PCBD2: variants seen among roughly 807,000 people sequenced by gnomAD.
The protein encoded by PCBD2 is pterin-4-alpha-carbinolamine dehydratase 2.
PCBD2 carries 12 observed loss-of-function variants against 16.4 expected under a neutral mutation model. That is an observed-to-expected ratio of 0.73 (90% CI 0.47 to 1.19). PCBD2 has a LOEUF of 1.19. PCBD2 is among the 50% of genes most tolerant of loss of function. PCBD2 has a pLI of 0.00. For missense variants in PCBD2, 138 were observed against 156.8 expected (o/e 0.88, Z 0.64); for synonymous variants, 58 against 61.8 (o/e 0.94, Z 0.29).
At position 134,949,711 on chromosome 5, in the gene PCBD2, C is replaced by T. The variant is rs936414940; in HGVS notation, c.217-9329C>T. On this transcript the variant is annotated intron_variant, in intron 2 of 3. Coordinates refer to ENST00000254908, the MANE Select transcript of PCBD2 (RefSeq NM_032151.5). The stretch of plus-strand genomic sequence containing the variant: ...GGCTAGAACAGTTAACAGTGTTCCA[C>T]GTGAAAGTCTTGGTGAGACATGTAA... 5.3e-5 allele frequency among the ~76,000 whole-genome samples: 8 copies of T among 152,136 alleles called. No homozygotes were observed. In the South Asian group the frequency reaches 8.3e-4, roughly 16 times the overall value.
At chr5:134,929,157 G>A (rs184635167) in intron 2 of PCBD2, among the ~76,000 whole-genome samples, 1 of 152,202 alleles carries the variant, frequency 6.6e-6, no homozygotes, top group East Asian at 1.9e-4. Context: ...TGAGTTAGAA[G>A]AGGAGGAGTT....
At chr5:134,959,489 T>G (rs561493030) in intron 3 of PCBD2, among the ~76,000 whole-genome samples, 1 of 152,304 alleles carries the variant, frequency 6.6e-6, no homozygotes, top group Non-Finnish European at 1.5e-5. Context: ...TTGAAATATT[T>G]TTACTCAAGA....
At chr5:134,958,993 G>T (rs1180869443) in intron 2 of PCBD2, 47 bp from the exon 3 acceptor site, 1 of 1,464,538 alleles carries the variant, frequency 6.8e-7, no homozygotes, top group South Asian at 1.2e-5. Flanking sequence ...CTCAGGCTTA[G>T]GGTAGAGGAC....
At chr5:134,938,179 A>C (rs1022852183) in intron 2 of PCBD2, among the ~76,000 whole-genome samples, 4 of 152,232 alleles carry the variant, frequency 2.6e-5, no homozygotes, top group African/African-American at 9.6e-5. Context: ...CTTGGTCTGC[A>C]GTGCCTGTAG....
chr5:134,957,835 T>C (rs899702506), intron 2 of PCBD2, among the ~76,000 whole-genome samples: 1 of 152,226 alleles, frequency 6.6e-6, no homozygotes, highest in Admixed American at 6.5e-5. Flanking sequence ...GCTTGAACTT[T>C]CTCCCTTTTC....
At chr5:134,938,373 C>G (rs908016316) in intron 2 of PCBD2, among the ~76,000 whole-genome samples, 1 of 152,198 alleles carries the variant, frequency 6.6e-6, no homozygotes, top group Non-Finnish European at 1.5e-5. Flanking sequence ...GCAGCAGAGA[C>G]ACTGAAGGAA....
intron 2 of PCBD2, among the ~76,000 whole-genome samples, chr5:134,946,690 A>G (rs553231462): frequency 1.3e-5 from 2 of 152,292 alleles, no homozygotes; most frequent in South Asian, 4.1e-4. Flanking sequence ...CTGCTTATAG[A>G]AAATGTATTT....
chr5:134,921,401 A>T (rs1750901698), intron 2 of PCBD2, among the ~76,000 whole-genome samples: 1 of 152,080 alleles, frequency 6.6e-6, no homozygotes, highest in Non-Finnish European at 1.5e-5. Context: ...TGGTTCTTGA[A>T]GATCTGGTAT....
At chr5:134,926,369 A>AG (rs1343134387) in intron 2 of PCBD2, 1 of 380,278 alleles carries the variant, frequency 2.6e-6, no homozygotes, top group Non-Finnish European at 4.7e-6. Context: ...TGGGGATATG[A>AG]GTTTTTTTTA....
rs1751479626 is a variant in PCBD2 at position 134,961,737 on chromosome 5, T to A, written c.*1056T>A. ...AATTAGGAACTCGACAGATAGTGAG[T>A]TTTAACTTTAAATAACAATTCTTCT... On this transcript the variant is annotated 3_prime_UTR_variant, in exon 4 of 4. Transcript: ENST00000254908. 6.6e-6 allele frequency among the ~76,000 whole-genome samples: 1 copy of A among 151,910 alleles called. No homozygotes were observed. The highest frequency in any genetic ancestry group is 2.1e-4 in the South Asian group (1 of 4,802).
intron 2 of PCBD2, among the ~76,000 whole-genome samples, chr5:134,942,283 G>A (rs1751239431): frequency 6.6e-6 from 1 of 152,052 alleles, no homozygotes; most frequent in Non-Finnish European, 1.5e-5. Context: ...GGACATAGGG[G>A]ACTTGAATTT....
At chr5:134,926,864 G>T in intron 2 of PCBD2, 2 of 398,588 alleles carry the variant, frequency 5.0e-6, no homozygotes, top group South Asian at 2.6e-4. Context: ...GTAGGAGAGT[G>T]ATATTTGATC....
In PCBD2 at chr5:134,907,987, A is replaced by T. The variant is rs187324119; in HGVS notation, c.85-2348A>T. Among the ~76,000 whole-genome samples, 188 of 149,812 alleles carry T rather than the reference A, an allele frequency of 1.3e-3. 1 individual carries two copies. The highest frequency in any genetic ancestry group is 3.5e-3 in the Admixed American group (53 of 14,972). ...CCCAGGCTGGAATGCAGTGGTGATCATAGCTCACTGCAGCCTCAGTCATCT... is the reference window on the plus strand; with the variant it reads ...CCCAGGCTGGAATGCAGTGGTGATCTTAGCTCACTGCAGCCTCAGTCATCT... On this transcript the variant is annotated intron_variant, in intron 1 of 3. Transcript: ENST00000254908.
chr5:134,955,734 T>C (rs917690906), intron 2 of PCBD2, among the ~76,000 whole-genome samples: 3 of 152,236 alleles, frequency 2.0e-5, no homozygotes, highest in African/African-American at 4.8e-5. Context: ...TTGGGTCTCT[T>C]ACTGGGTTGT....
At position 134,905,144 on chromosome 5, in the gene PCBD2, C is replaced by A; in HGVS notation, c.5C>A (p.Ala2Glu). ...GCAGCCCTCGGCAGACGGCCAATGG[C>A]GGCGGTGCTCGGGGCGCTCGGGGCG... The part of the protein sequence containing the change: M[A>E]AVLGALGATR... Residue 2 changes from alanine to glutamate, a missense_variant, in exon 1 of 4, where the codon GCG becomes GAG. Transcript: ENST00000254908. 1 of 1,219,042 alleles carries A rather than the reference C, an allele frequency of 8.2e-7. No individual in the cohort carries two copies. The highest frequency in any genetic ancestry group is 4.1e-5 in the South Asian group (1 of 24,222). 75.5% of individuals were successfully genotyped at this position (1,219,042 alleles called of 1,614,324 possible).
At chr5:134,954,389 T>A (rs541289488) in intron 2 of PCBD2, among the ~76,000 whole-genome samples, 2 of 152,360 alleles carry the variant, frequency 1.3e-5, no homozygotes, top group East Asian at 3.9e-4. Flanking sequence ...CCTTTAATAG[T>A]TTATAACATT....
intron 2 of PCBD2, chr5:134,927,951 G>A (rs1580885176): frequency 1.8e-5 from 7 of 396,968 alleles, no homozygotes; most frequent in African/African-American, 6.2e-5. Flanking sequence ...TAGGCTGTGA[G>A]TGGTTGTGTT....
chr5:134,915,566 G>A (rs1750822711), intron 2 of PCBD2, among the ~76,000 whole-genome samples: 1 of 147,850 alleles, frequency 6.8e-6, no homozygotes, highest in Non-Finnish European at 1.5e-5. Flanking sequence ...TCCCACCTCA[G>A]CCTCCTGAGT....
chr5:134,959,912 T>C (rs567442827), intron 3 of PCBD2, among the ~76,000 whole-genome samples: 18 of 142,310 alleles, frequency 1.3e-4, no homozygotes, highest in African/African-American at 4.8e-4. Flanking sequence ...TTTTTTTGAG[T>C]TGGAGTCTGG....
Sources: allele counts gnomAD v4.1 joint callset (sites outside exome capture counted in the v4.1 genomes callset), GRCh38; gene constraint gnomAD v4.1.1; transcripts MANE v1.5; gene names NCBI Gene and HGNC (gene_info 2026-07-23, HGNC 2026-07-21).